Variants in MAPT observed in about 807,000 individuals in gnomAD.
The protein encoded by MAPT is microtubule-associated protein tau.
In MAPT, 34 loss-of-function variants were observed where a neutral mutation model predicts 67.9. That is an observed-to-expected ratio of 0.50 (90% CI 0.38 to 0.67). The LOEUF (loss-of-function observed/expected upper bound fraction) is 0.67, where lower values mean the gene tolerates loss of function less well. MAPT is among the 30% of genes least tolerant of loss of function. The pLI, the probability that MAPT is intolerant of heterozygous loss-of-function variation, is 0.00. For missense variants in MAPT, 881 were observed against 1,115.2 expected (o/e 0.79, Z 2.99); for synonymous variants, 456 against 464.5 (o/e 0.98, Z 0.23).
intron 7 of MAPT, among the ~76,000 whole-genome samples, chr17:45,990,814 G>T (rs1179036977): frequency 6.6e-6 from 1 of 152,076 alleles, no homozygotes; most frequent in Non-Finnish European, 1.5e-5. Flanking sequence ...ATGTCTAAGG[G>T]TCATCTGCTG....
intron 1 of MAPT, among the ~76,000 whole-genome samples, chr17:45,958,653 A>G (rs192988814): frequency 1.5e-3 from 230 of 151,764 alleles, no homozygotes; most frequent in African/African-American, 5.5e-3. Context: ...CCCGGGAGGT[A>G]GAGTCTGCAG....
rs573502832 is a variant in MAPT, at chr17:46,023,879, G to C, written c.2287-77G>C. ...AAACAGTCCCTGGCACTCTGGGCCA[G>C]GCCTGGCAGGGCAGTTGGCAGGGCT... is the stretch of plus-strand genomic sequence containing the variant. On this transcript the variant is annotated intron_variant, in intron 12 of 12. Transcript: ENST00000262410. 6 of 1,265,376 alleles carry C rather than the reference G, an allele frequency of 4.7e-6. No individual in the cohort carries two copies. The Admixed American group carries it at 6.8e-5, about 14-fold the overall frequency. The allele number at this position is 1,265,376 out of a possible 1,614,324, so 78.4% of individuals were successfully genotyped here. A position where few individuals can be genotyped will look rare whatever the true frequency, so the allele number is the denominator to read the frequency against.
At chr17:45,985,699 T>C (rs1057167657) in intron 5 of MAPT, 25 of 985,322 alleles carry the variant, frequency 2.5e-5, no homozygotes, top group Non-Finnish European at 2.9e-5. Context: ...GATTCTTTTG[T>C]TGTGCCGTGG....
chr17:45,946,444 G>A (rs989729195), intron 1 of MAPT, among the ~76,000 whole-genome samples: 32 of 148,886 alleles, frequency 2.1e-4, no homozygotes, highest in Non-Finnish European at 3.8e-4. Flanking sequence ...TCTACTAAAA[G>A]TTCAAAAATT....
chr17:45,904,122 TTATATATTATATATG>T (rs1175364062), intron 1 of MAPT, among the ~76,000 whole-genome samples: 8 of 28,444 alleles, frequency 2.8e-4, no homozygotes, highest in African/African-American at 8.9e-4. Context: ...ATATTATATA[TTATATATTATATATG>T]TATATATTAT....
intron 3 of MAPT, chr17:45,976,738 C>A (rs940389841): frequency 1.3e-5 from 2 of 152,692 alleles, no homozygotes; most frequent in East Asian, 3.8e-4. Flanking sequence ...AAGCAGCTCC[C>A]TTTCTGGGGT....
intron 12 of MAPT, 131 bp downstream of exon 12, chr17:46,018,861 C>T: frequency 1.4e-6 from 1 of 698,694 alleles, no homozygotes; most frequent in Non-Finnish European, 2.6e-6. Context: ...TGGATGTGGG[C>T]CCTCAGCAGC....
intron 1 of MAPT, among the ~76,000 whole-genome samples, chr17:45,956,548 TTATATATATATATATATATATATATATA>T (rs57223421): frequency 0.46 from 43,370 of 94,878 alleles, 7,796 homozygotes; most frequent in East Asian, 0.62. Flanking sequence ...GCAGGTTCTT[TTATATATATATATATATATATATATATA>T]TATATATATA....
rs1470136085 is a variant in MAPT at position 45,903,877 on chromosome 17, A to G, written c.-18+9191A>G. Among the ~76,000 whole-genome samples, 45 of 39,204 alleles carry G rather than the reference A, an allele frequency of 1.1e-3. 4 individuals are homozygous for G. Among genetic ancestry groups the G allele is most frequent in the Admixed American group, 3.0e-3 (6 of 2,020 alleles). The allele number at this position is 39,204 out of a possible 152,430, so 25.7% of individuals were successfully genotyped here. A position where few individuals can be genotyped will look rare whatever the true frequency, so the allele number is the denominator to read the frequency against. On this transcript the variant is annotated intron_variant, in intron 1 of 12. Coordinates refer to ENST00000262410, the MANE Select transcript of MAPT (RefSeq NM_001377265.1). ...ATATTATATATATTATATATTATAT[A>G]TTTATATATTTATATATTATATATA...
At chr17:45,939,544 A>G (rs372167952) in intron 1 of MAPT, among the ~76,000 whole-genome samples, 1 of 152,178 alleles carries the variant, frequency 6.6e-6, no homozygotes, top group Non-Finnish European at 1.5e-5. Flanking sequence ...TCCATATTTC[A>G]TGGCTCCCTG....
Position 45,983,020 on chromosome 17 carries a change from G to A in MAPT, c.441G>A (p.Leu147=). The A allele has an allele frequency of 6.8e-7, 1 of 1,469,556 alleles. No individual in the cohort carries two copies. The highest frequency in any genetic ancestry group is 1.4e-5 in the South Asian group (1 of 72,258). 91.0% of individuals were successfully genotyped at this position (1,469,556 alleles called of 1,614,324 possible). The change falls in exon 5 of 13, where the codon CTG becomes CTA. Residue 147 remains leucine, a synonymous_variant. Transcript: ENST00000262410. The stretch of plus-strand genomic sequence containing the variant: ...AAGAGCCAGAAGCTCCCGTCCCGCT[G>A]ACCGCGAGCCTTCCTCAGCACCGTC... ...GEKEPEAPVP[L]TASLPQHRPV...
Position 45,989,848 on chromosome 17 carries a change from AT to A in MAPT, c.1408-26del, listed in dbSNP as rs755402777. The A allele has an allele frequency of 1.9e-6, 3 of 1,602,388 alleles. No individual in the cohort carries two copies. The South Asian group carries it at 3.3e-5, about 18-fold the overall frequency. On this transcript the variant is annotated intron_variant, in intron 6 of 12. Coordinates refer to ENST00000262410, the MANE Select transcript of MAPT (RefSeq NM_001377265.1). ...TTCCCTCCTCCATGTGCTGACTTTT[AT>A]TTTGATTTTATTTATGTTTATGTTT...
intron 1 of MAPT, among the ~76,000 whole-genome samples, chr17:45,947,811 A>G (rs1040626647): frequency 6.6e-6 from 1 of 151,696 alleles, no homozygotes; most frequent in Non-Finnish European, 1.5e-5. Flanking sequence ...ACCCCTCCAC[A>G]TTTCTCTCAA....
At chr17:45,993,390 G>A (rs1001279655) in intron 8 of MAPT, among the ~76,000 whole-genome samples, 3 of 151,518 alleles carry the variant, frequency 2.0e-5, no homozygotes, top group African/African-American at 4.9e-5. Context: ...ACTTAACATC[G>A]GGCCAGTTGA....
intron 9 of MAPT, among the ~76,000 whole-genome samples, chr17:45,997,476 G>A (rs1379533742): frequency 6.6e-6 from 1 of 152,200 alleles, no homozygotes; most frequent in Non-Finnish European, 1.5e-5. Context: ...GAACACCATG[G>A]CAGCTGGGCG....
intron 1 of MAPT, among the ~76,000 whole-genome samples, chr17:45,958,771 TA>T (rs2070034773): frequency 6.6e-6 from 1 of 150,738 alleles, no homozygotes; most frequent in South Asian, 2.1e-4. Flanking sequence ...CACTAGTAAT[TA>T]AAACATCAGG....
At chr17:45,978,680 G>A in intron 4 of MAPT, 2 of 534,734 alleles carry the variant, frequency 3.7e-6, no homozygotes, top group Non-Finnish European at 6.6e-6. Flanking sequence ...TGCTAGCCTT[G>A]TCCAGCCTGG....
intron 1 of MAPT, among the ~76,000 whole-genome samples, chr17:45,918,672 G>A (rs914366691): frequency 6.6e-6 from 1 of 152,160 alleles, no homozygotes; most frequent in South Asian, 2.1e-4. Context: ...GGGTTCCAAG[G>A]TTACAAAGGG....
At chr17:45,930,790 C>G (rs753793951) in intron 1 of MAPT, among the ~76,000 whole-genome samples, 1 of 152,196 alleles carries the variant, frequency 6.6e-6, no homozygotes, top group Non-Finnish European at 1.5e-5. Context: ...ACTCCCAGTT[C>G]ACTTATTTTT....
Sources: gnomAD v4.1 joint callset for allele counts (sites outside exome capture counted in the v4.1 genomes callset) on GRCh38, gnomAD v4.1.1 for gene constraint, MANE v1.5 for transcripts, NCBI Gene and HGNC (gene_info 2026-07-23, HGNC 2026-07-21) for gene names.